Variants in JADE2 observed in about 807,000 individuals in gnomAD.
JADE2 encodes the protein E3 ubiquitin-protein ligase Jade-2.
A neutral mutation model predicts 85.7 loss-of-function variants in JADE2; 13 were observed. The ratio of observed to expected loss-of-function variants is 0.15; its 90% CI spans 0.10 to 0.24. The LOEUF (loss-of-function observed/expected upper bound fraction) is 0.24. Among genes scored for constraint, JADE2 ranks in the 10% least tolerant of loss-of-function variants. JADE2 has a pLI of 1.00. For missense variants in JADE2, 846 were observed against 1,115.9 expected (o/e 0.76, Z 3.45); for synonymous variants, 440 against 456.1 (o/e 0.96, Z 0.45).
chr5:134,559,970 A>G lies in JADE2; in HGVS notation c.452A>G (p.Asn151Ser). The change falls in exon 5 of 12, where the codon AAC becomes AGC. Residue 151 changes from asparagine to serine, a missense_variant. By Grantham distance (46) the Asn-to-Ser change is conservative (BLOSUM62 1). Coordinates refer to ENST00000681547, the MANE Select transcript of JADE2 (RefSeq NM_001388185.1). The stretch of plus-strand genomic sequence containing the variant: ...GATGCCTACTGGCTGGAGCTCATCA[A>G]CTCGGAGCTTAAGGAGATGGGTAGG... Reference protein sequence around the residue: ...EIDAYWLELINSELKEMERPE... With the variant: ...EIDAYWLELISSELKEMERPE... 6.2e-7 allele frequency: 1 copy of G among 1,614,068 alleles called. No individual in the cohort carries two copies. The highest frequency in any genetic ancestry group is 8.5e-7 in the Non-Finnish European group (1 of 1,179,992).
At chr5:134,548,256 T>A (rs1407064170) in intron 3 of JADE2, among the ~76,000 whole-genome samples, 1 of 152,164 alleles carries the variant, frequency 6.6e-6, no homozygotes, top group African/African-American at 2.4e-5. Context: ...TCAAGTTAAC[T>A]CAAGGGCATT....
intron 1 of JADE2, among the ~76,000 whole-genome samples, chr5:134,527,616 G>T (rs2149842991): frequency 6.6e-6 from 1 of 151,282 alleles, no homozygotes; most frequent in East Asian, 2.0e-4. Flanking sequence ...TCCTTCGCCT[G>T]GGCCGGAGCC....
At chr5:134,531,056 G>A (rs954286530) in intron 1 of JADE2, among the ~76,000 whole-genome samples, 4 of 152,184 alleles carry the variant, frequency 2.6e-5, no homozygotes, top group East Asian at 1.9e-4. Flanking sequence ...TGGGTATTCC[G>A]TGGACACTGG....
At chr5:134,561,489 T>A (rs1315873269) in intron 6 of JADE2, among the ~76,000 whole-genome samples, 1 of 152,216 alleles carries the variant, frequency 6.6e-6, no homozygotes, top group Non-Finnish European at 1.5e-5. Context: ...CATTACTGGC[T>A]TTATGTGCCA....
intron 1 of JADE2, among the ~76,000 whole-genome samples, chr5:134,531,931 T>G (rs1389352112): frequency 2.2e-5 from 3 of 135,112 alleles, no homozygotes; most frequent in Non-Finnish European, 4.6e-5. Context: ...GGTGTCACTC[T>G]GTCACCCAGG....
chr5:134,552,406 T>G (rs1762646116), intron 4 of JADE2, among the ~76,000 whole-genome samples, 197 bp downstream of exon 4: 1 of 152,240 alleles, frequency 6.6e-6, no homozygotes, highest in South Asian at 2.1e-4. Context: ...GGGGTTGGGC[T>G]CGGGCTTGGC....
At chr5:134,561,007 G>A in intron 6 of JADE2, 50 bp downstream of exon 6, 2 of 1,522,012 alleles carry the variant, frequency 1.3e-6, no homozygotes, top group Non-Finnish European at 9.0e-7. Context: ...TACACACGCT[G>A]CCTGGCAGCG....
chr5:134,562,422 C>T lies in JADE2; in HGVS notation c.852+55C>T. ...AGGAATAGCCCGTGGGGAAGTGGGT[C>T]TGCATGGGACTCAGGTAGCAGAGCA... On this transcript the variant is annotated intron_variant, in intron 7 of 11. Coordinates refer to ENST00000681547, the MANE Select transcript of JADE2 (RefSeq NM_001388185.1). This position sits in a 1 kb window ranked among gnomAD's most constrained non-coding sequence, Gnocchi z 4.6. 4.6e-6 allele frequency: 7 copies of T among 1,506,526 alleles called. No homozygotes were observed. The highest frequency in any genetic ancestry group is 6.4e-6 in the Non-Finnish European group (7 of 1,100,956). The allele number at this position is 1,506,526 out of a possible 1,614,324, so 93.3% of individuals were successfully genotyped here.
intron 4 of JADE2, among the ~76,000 whole-genome samples, chr5:134,554,052 C>G (rs945948674): frequency 6.6e-6 from 1 of 152,136 alleles, no homozygotes; most frequent in East Asian, 1.9e-4. Context: ...CCTTGGCAAC[C>G]TTGTGGCTCT....
intron 4 of JADE2, among the ~76,000 whole-genome samples, chr5:134,555,373 G>C (rs569013802): frequency 2.0e-5 from 3 of 152,158 alleles, no homozygotes; most frequent in Admixed American, 1.3e-4. Context: ...GCCAGCTGAC[G>C]CCCTCCTCCC....
At chr5:134,567,945 T>C (rs1180981595) in intron 9 of JADE2, among the ~76,000 whole-genome samples, 1 of 152,200 alleles carries the variant, frequency 6.6e-6, no homozygotes, top group Admixed American at 6.5e-5. Context: ...CAGCCTCCTG[T>C]CACATGTGGC....
At chr5:134,542,875 G>A (rs531977520) in intron 3 of JADE2, among the ~76,000 whole-genome samples, 2 of 152,078 alleles carry the variant, frequency 1.3e-5, no homozygotes, top group South Asian at 4.1e-4. Flanking sequence ...TGGGACTACC[G>A]GCACTTGCCA....
intron 1 of JADE2, among the ~76,000 whole-genome samples, chr5:134,529,665 A>G (rs149928577): frequency 3.5e-4 from 53 of 152,360 alleles, no homozygotes; most frequent in African/African-American, 1.3e-3. Flanking sequence ...AGGGTCCCCG[A>G]TGCAGCTTGG....
intron 9 of JADE2, among the ~76,000 whole-genome samples, chr5:134,569,301 A>G (rs1248996901): frequency 6.6e-6 from 1 of 152,224 alleles, no homozygotes; most frequent in Non-Finnish European, 1.5e-5. Flanking sequence ...CTGGGAACCC[A>G]GCATCCTCCC....
upstream of JADE2, among the ~76,000 whole-genome samples, chr5:134,524,699 ACCCG>A (rs1760699126): frequency 6.6e-6 from 1 of 151,936 alleles, no homozygotes; most frequent in African/African-American, 2.4e-5. Context: ...GCCAGGAGGC[ACCCG>A]GGAGGGGGGA....
intron 11 of JADE2, among the ~76,000 whole-genome samples, chr5:134,577,758 C>A (rs774928856): frequency 6.6e-6 from 1 of 152,276 alleles, no homozygotes; most frequent in Non-Finnish European, 1.5e-5. Flanking sequence ...CCCAGTCTCC[C>A]GTCTCGCCAG....
intron 6 of JADE2, among the ~76,000 whole-genome samples, chr5:134,561,582 C>G (rs2149977235): frequency 6.6e-6 from 1 of 152,296 alleles, no homozygotes. Context: ...GCAGACCTGA[C>G]TGGGACCTAG....
intron 3 of JADE2, among the ~76,000 whole-genome samples, chr5:134,551,048 G>A (rs1762562439): frequency 6.6e-6 from 1 of 151,892 alleles, no homozygotes. Context: ...CCTAAGCCCC[G>A]GCCGTCCCCC....
chr5:134,549,301 A>G (rs1762469732), intron 3 of JADE2, among the ~76,000 whole-genome samples: 1 of 152,186 alleles, frequency 6.6e-6, no homozygotes, highest in South Asian at 2.1e-4. Context: ...AGGCAGGCAG[A>G]TCATTTGAGG....
Sources: allele counts gnomAD v4.1 joint callset (sites outside exome capture counted in the v4.1 genomes callset), GRCh38; gene constraint gnomAD v4.1.1; non-coding constraint Gnocchi (gnomAD v3.1); transcripts MANE v1.5; gene names NCBI Gene and HGNC (gene_info 2026-07-23, HGNC 2026-07-21).